The following TULP4 variants were observed in gnomAD, a reference collection of about 807,000 sequenced individuals.
TULP4 encodes the protein TUB like protein 4.
A neutral mutation model predicts 129.0 loss-of-function variants in TULP4; 16 were observed. That is an observed-to-expected ratio of 0.12 (90% CI 0.08 to 0.19). TULP4 has a LOEUF of 0.19. Among genes scored for constraint, TULP4 ranks in the 10% least tolerant of loss-of-function variants. The pLI is 1.00. For missense variants in TULP4, 1,842 were observed against 2,059.1 expected, an observed-to-expected ratio of 0.89 and a Z score of 2.04; for synonymous variants, 998 against 854.0, an observed-to-expected ratio of 1.17 and a Z score of -2.94.
At chr6:158,267,572 G>C (rs1778469214) in intron 1 of TULP4, among the ~76,000 whole-genome samples, 1 of 152,172 alleles carries the variant, frequency 6.6e-6, no homozygotes, top group East Asian at 1.9e-4. Flanking sequence ...AGGCCTCTGT[G>C]TACAGTTAGC....
chr6:158,234,852 G>A lies in TULP4; in HGVS notation n.68+2549G>A, dbSNP rs528036193. Among the ~76,000 whole-genome samples the A allele has an allele frequency of 5.9e-5, 9 of 152,208 alleles. No homozygotes were observed. In the East Asian group the frequency reaches 1.7e-3, roughly 29 times the overall value. On this transcript the variant is annotated intron_variant and non_coding_transcript_variant, in intron 1 of 1. Coordinates refer to the TULP4 transcript ENST00000620026. ...ATACTAAACATACTAATTTTTTGTG[G>A]TAAAATGTACATACCATAAAATTTA... is the stretch of plus-strand genomic sequence containing the variant.
intron 1 of TULP4, among the ~76,000 whole-genome samples, chr6:158,353,919 G>A (rs1418211399): frequency 2.6e-5 from 4 of 152,190 alleles, no homozygotes; most frequent in African/African-American, 7.2e-5. Context: ...TTTTATGTGG[G>A]CGCTTGTTGA....
chr6:158,497,251 C>A (rs1167310665), intron 11 of TULP4, among the ~76,000 whole-genome samples: 1 of 152,160 alleles, frequency 6.6e-6, no homozygotes, highest in Non-Finnish European at 1.5e-5. Context: ...CAGAAATTAA[C>A]TATTGAATAC....
In TULP4 at chr6:158,429,719, C is replaced by A. The variant is rs1778586067; in HGVS notation, c.382-17C>A. The A allele has an allele frequency of 6.3e-7, 1 of 1,599,092 alleles. No homozygotes were observed. The highest frequency in any genetic ancestry group is 8.5e-7 in the Non-Finnish European group (1 of 1,172,218). Reference sequence around the variant, plus strand: ...TTTCAGATTACAAATTGACTCTTTTCTGTGTGTGTCCCCAAGGTGAGTGAT... The same window carrying A: ...TTTCAGATTACAAATTGACTCTTTTATGTGTGTGTCCCCAAGGTGAGTGAT... On this transcript the variant is annotated splice_polypyrimidine_tract_variant and intron_variant, in intron 2 of 13. Transcript: ENST00000367097.
chr6:158,481,577 G>T, intron 8 of TULP4: 1 of 481,560 alleles, frequency 2.1e-6, no homozygotes. Context: ...GGGAGTGAGG[G>T]TTTCCTCTTC....
At position 158,394,904 on chromosome 6, in the gene TULP4, C is replaced by A. The variant is rs1295501076; in HGVS notation, c.253-18161C>A. 3.3e-5 allele frequency among the ~76,000 whole-genome samples: 5 copies of A among 151,456 alleles called. No homozygotes were observed. The East Asian group carries it at 9.7e-4, about 29-fold the overall frequency. ...CTTAATAGGAAGGATGACTGGGAGG[C>A]CTCAGGATACTTGAAATCATGCAGT... is the stretch of plus-strand genomic sequence containing the variant. On this transcript the variant is annotated intron_variant, in intron 1 of 13. Coordinates refer to ENST00000367097, the MANE Select transcript of TULP4 (RefSeq NM_020245.5).
At chr6:158,396,328 T>C (rs1777714888) in intron 1 of TULP4, among the ~76,000 whole-genome samples, 1 of 152,208 alleles carries the variant, frequency 6.6e-6, no homozygotes, top group African/African-American at 2.4e-5. Flanking sequence ...TCTCGGCTAG[T>C]ATCACCCTTG....
chr6:158,403,084 G>A (rs551127720), intron 1 of TULP4, among the ~76,000 whole-genome samples: 8 of 152,226 alleles, frequency 5.3e-5, no homozygotes, highest in South Asian at 2.1e-4. Flanking sequence ...ATCAATTGCC[G>A]GAACGCTGAT....
intron 1 of TULP4, chr6:158,397,756 A>T (rs1398022205): frequency 6.6e-6 from 1 of 152,278 alleles, no homozygotes; most frequent in East Asian, 1.9e-4. Context: ...AAGCATGATT[A>T]AAAAATAAGC....
chr6:158,338,998 C>T (rs1406396863), intron 1 of TULP4, among the ~76,000 whole-genome samples: 1 of 152,170 alleles, frequency 6.6e-6, no homozygotes, highest in Non-Finnish European at 1.5e-5. Flanking sequence ...CTGAGTCTTA[C>T]ACTTGGGAAA....
At position 158,239,480 on chromosome 6, in the gene TULP4, C is replaced by G. The variant is rs1267756908; in HGVS notation, n.68+7177C>G. Reference sequence around the variant, plus strand: ...GGGGGGCTGACCCCCCCACCTCCCTCCCGGACGGGGAGGCTGGCCGGGCAG... The same window carrying G: ...GGGGGGCTGACCCCCCCACCTCCCTGCCGGACGGGGAGGCTGGCCGGGCAG... On this transcript the variant is annotated intron_variant and non_coding_transcript_variant, in intron 1 of 1. Transcript: ENST00000620026. Among the ~76,000 whole-genome samples, 9 of 67,080 alleles carry G rather than the reference C, an allele frequency of 1.3e-4. No homozygotes were observed. The Admixed American group carries it at 1.4e-3, about 10-fold the overall frequency. The allele number at this position is 67,080 out of a possible 152,430, so 44.0% of individuals were successfully genotyped here.
intron 1 of TULP4, among the ~76,000 whole-genome samples, chr6:158,368,977 T>C (rs1777008466): frequency 6.6e-6 from 1 of 152,150 alleles, no homozygotes; most frequent in South Asian, 2.1e-4. Context: ...CTTGAAGGTG[T>C]TTGTTGGAGT....
At chr6:158,262,661 GTC>G (rs1338574385) in intron 1 of TULP4, among the ~76,000 whole-genome samples, 20 of 152,176 alleles carry the variant, frequency 1.3e-4, no homozygotes, top group African/African-American at 4.6e-4. Context: ...TTCCGGAAGA[GTC>G]TGAGAGAAGG....
chr6:158,420,895 C>T (rs936122384), intron 2 of TULP4, among the ~76,000 whole-genome samples: 3 of 152,126 alleles, frequency 2.0e-5, no homozygotes, highest in Non-Finnish European at 4.4e-5. Context: ...GTCAACAAAG[C>T]GTCGAACTCT....
chr6:158,373,106 A>G (rs1039769202), intron 1 of TULP4, among the ~76,000 whole-genome samples: 3 of 152,228 alleles, frequency 2.0e-5, no homozygotes, highest in African/African-American at 7.2e-5. Context: ...AATAAAGGCT[A>G]AGTCAGGTTC....
At chr6:158,393,921 A>G (rs570254830) in intron 1 of TULP4, among the ~76,000 whole-genome samples, 16 of 152,328 alleles carry the variant, frequency 1.1e-4, no homozygotes, top group African/African-American at 3.6e-4. Flanking sequence ...CTCCCCAGAA[A>G]ATGGGTTTTT....
intron 5 of TULP4, among the ~76,000 whole-genome samples, chr6:158,460,045 T>C (rs1779389205): frequency 6.6e-6 from 1 of 152,232 alleles, no homozygotes. Flanking sequence ...GCAGGTTTTT[T>C]TCCATTTTCT....
chr6:158,361,489 C>A (rs1054291667), intron 1 of TULP4, among the ~76,000 whole-genome samples: 10 of 152,172 alleles, frequency 6.6e-5, no homozygotes, highest in African/African-American at 2.4e-4. Flanking sequence ...AACCAATGTG[C>A]CAGATTGCCT....
chr6:158,252,623 C>G (rs779938560), intron 1 of TULP4, among the ~76,000 whole-genome samples: 1 of 152,168 alleles, frequency 6.6e-6, no homozygotes, highest in Non-Finnish European at 1.5e-5. Context: ...ATCTGCCCGC[C>G]TCGGCCTCCC....
Sources: allele counts gnomAD v4.1 joint callset (sites outside exome capture counted in the v4.1 genomes callset), GRCh38; gene constraint gnomAD v4.1.1; transcripts MANE v1.5; gene names NCBI Gene and HGNC (gene_info 2026-07-23, HGNC 2026-07-21).